SEMA3E: variants seen among roughly 807,000 people sequenced by gnomAD.
The protein encoded by SEMA3E is semaphorin 3E, also known as semaphorin-3E.
A neutral mutation model predicts 93.6 loss-of-function variants in SEMA3E; 49 were observed. That is an observed-to-expected ratio of 0.52 (90% CI 0.42 to 0.66). The LOEUF (loss-of-function observed/expected upper bound fraction) is 0.66, where lower values mean the gene tolerates loss of function less well. Ranked by LOEUF, SEMA3E falls within the 30% of genes least tolerant of loss-of-function variation. The pLI is 0.00. For missense variants in SEMA3E, 906 were observed against 964.8 expected (o/e 0.94, Z 0.81); for synonymous variants, 363 against 330.7 (o/e 1.10, Z -1.06).
intron 1 of SEMA3E, among the ~76,000 whole-genome samples, chr7:83,624,433 G>C (rs1005785216): frequency 4.6e-5 from 7 of 152,064 alleles, no homozygotes; most frequent in African/African-American, 1.7e-4. Context: ...GCATGAGTTG[G>C]TATGTCATTG....
chr7:83,383,713 T>C (rs373190100), intron 16 of SEMA3E, among the ~76,000 whole-genome samples: 2 of 151,954 alleles, frequency 1.3e-5, no homozygotes, highest in Non-Finnish European at 2.9e-5. Flanking sequence ...TAATTGAACA[T>C]TGATGGATTC....
chr7:83,629,571 C>T lies in SEMA3E; in HGVS notation c.115+18857G>A, dbSNP rs529640519. ...TGGGCTCTGCCCTATCTGAATTTCC[C>T]GGTGGCTGTGTTTATACTGTGAAGG... On this transcript the variant is annotated intron_variant, in intron 1 of 16. Transcript: ENST00000643230. Among the ~76,000 whole-genome samples, 6 of 152,260 alleles carry T rather than the reference C, an allele frequency of 3.9e-5. No individual in the cohort carries two copies. In the South Asian group the frequency reaches 8.3e-4, roughly 21 times the overall value.
At chr7:83,567,089 A>G (rs1169716788) in intron 1 of SEMA3E, among the ~76,000 whole-genome samples, 1 of 152,194 alleles carries the variant, frequency 6.6e-6, no homozygotes, top group African/African-American at 2.4e-5. Flanking sequence ...ACAAACAGAA[A>G]CAAGAAGCAA....
At chr7:83,501,575 C>T (rs537903631) in intron 1 of SEMA3E, among the ~76,000 whole-genome samples, 1 of 152,268 alleles carries the variant, frequency 6.6e-6, no homozygotes, top group South Asian at 2.1e-4. Flanking sequence ...GCCTCAGCCT[C>T]CCAAGTAGCT....
At chr7:83,507,685 C>T (rs1790732950) in intron 1 of SEMA3E, among the ~76,000 whole-genome samples, 1 of 151,716 alleles carries the variant, frequency 6.6e-6, no homozygotes, top group African/African-American at 2.4e-5. Context: ...CACGTGTAAT[C>T]CCAGCATTTT....
At chr7:83,545,827 A>G (rs1347400532) in intron 1 of SEMA3E, among the ~76,000 whole-genome samples, 2 of 147,216 alleles carry the variant, frequency 1.4e-5, no homozygotes, top group Non-Finnish European at 3.0e-5. Flanking sequence ...ATATATATAT[A>G]TAATATATAT....
At position 83,525,507 on chromosome 7, in the gene SEMA3E, G is replaced by A. The variant is rs1206982050; in HGVS notation, c.116-35233C>T. Among the ~76,000 whole-genome samples the A allele has an allele frequency of 3.3e-5, 5 of 150,506 alleles. No homozygotes were observed. In the East Asian group the frequency reaches 9.8e-4, roughly 29 times the overall value. Reference sequence around the variant, plus strand: ...TGCTTATTTTTTGAACTTCTGGGGTGACCTCAGATTTTCTTGTTTTCTCAT... The same window carrying A: ...TGCTTATTTTTTGAACTTCTGGGGTAACCTCAGATTTTCTTGTTTTCTCAT... On this transcript the variant is annotated intron_variant, in intron 1 of 16. Transcript: ENST00000643230.
intron 1 of SEMA3E, among the ~76,000 whole-genome samples, chr7:83,600,568 G>T (rs1002627894): frequency 7.4e-6 from 1 of 135,334 alleles, no homozygotes; most frequent in African/African-American, 2.8e-5. Context: ...AGGATGGTCT[G>T]GATCTCCTGA....
chr7:83,399,505 T>C (rs1451865810), intron 11 of SEMA3E, among the ~76,000 whole-genome samples: 1 of 152,156 alleles, frequency 6.6e-6, no homozygotes, highest in East Asian at 1.9e-4. Flanking sequence ...TGTCCCAAGT[T>C]CCAAGTTGTT....
intron 1 of SEMA3E, among the ~76,000 whole-genome samples, chr7:83,557,677 C>CAGGTTTTTATA (rs1274913736): frequency 1.1e-4 from 17 of 152,030 alleles, no homozygotes; most frequent in African/African-American, 4.1e-4. Context: ...AAGATGCTAA[C>CAGGTTTTTATA]AATTACACAA....
intron 1 of SEMA3E, among the ~76,000 whole-genome samples, chr7:83,509,466 T>A (rs558353353): frequency 1.6e-4 from 24 of 152,284 alleles, no homozygotes; most frequent in African/African-American, 5.8e-4. Context: ...CTGTGACATA[T>A]GAGGGTATGT....
At position 83,594,696 on chromosome 7, in the gene SEMA3E, A is replaced by C. The variant is rs1337239274; in HGVS notation, c.115+53732T>G. Among the ~76,000 whole-genome samples, 10 of 152,178 alleles carry C rather than the reference A, an allele frequency of 6.6e-5. No individual in the cohort carries two copies. In the East Asian group the frequency reaches 1.9e-3, roughly 29 times the overall value. ...GGATAGTGGCTCATTACTTTCTAGT[A>C]TCCGTTTCCCCTTTCTAAGAACCTG... On this transcript the variant is annotated intron_variant, in intron 1 of 16. Transcript: ENST00000643230.
At chr7:83,539,855 C>CTCTGTG (rs551859742) in intron 1 of SEMA3E, among the ~76,000 whole-genome samples, 4 of 122,752 alleles carry the variant, frequency 3.3e-5, no homozygotes, top group African/African-American at 1.2e-4. Context: ...TTTGTTGTTT[C>CTCTGTG]TGTGTGTGTG....
At chr7:83,626,339 C>G (rs1450987216) in intron 1 of SEMA3E, among the ~76,000 whole-genome samples, 1 of 152,008 alleles carries the variant, frequency 6.6e-6, no homozygotes, top group Non-Finnish European at 1.5e-5. Context: ...TGGTCCTGGG[C>G]TTTTTTTGGA....
chr7:83,592,646 A>G (rs1179596828), intron 1 of SEMA3E, among the ~76,000 whole-genome samples: 1 of 152,214 alleles, frequency 6.6e-6, no homozygotes, highest in Admixed American at 6.5e-5. Context: ...AAGAGGACAT[A>G]TCAAGTAATA....
chr7:83,546,915 T>A (rs1287737622), intron 1 of SEMA3E, among the ~76,000 whole-genome samples: 1 of 152,140 alleles, frequency 6.6e-6, no homozygotes, highest in Non-Finnish European at 1.5e-5. Flanking sequence ...TTACTCAAAC[T>A]TGTTTAAACA....
intron 1 of SEMA3E, among the ~76,000 whole-genome samples, chr7:83,508,557 T>C (rs1186777823): frequency 6.6e-6 from 1 of 152,180 alleles, no homozygotes; most frequent in Non-Finnish European, 1.5e-5. Context: ...CCACTGCGCC[T>C]GGCTTATAAT....
intron 1 of SEMA3E, among the ~76,000 whole-genome samples, chr7:83,621,089 G>A (rs1793547585): frequency 6.6e-6 from 1 of 152,108 alleles, no homozygotes; most frequent in African/African-American, 2.4e-5. Context: ...TCTATATCTA[G>A]ACAATCCTAC....
At chr7:83,435,370 G>A (rs758201316) in intron 4 of SEMA3E, among the ~76,000 whole-genome samples, 14 of 152,148 alleles carry the variant, frequency 9.2e-5, no homozygotes, top group Non-Finnish European at 1.9e-4. Context: ...AAGGCAGGCA[G>A]ATCACCTGAG....
Sources: allele counts gnomAD v4.1 joint callset (sites outside exome capture counted in the v4.1 genomes callset), GRCh38; gene constraint gnomAD v4.1.1; transcripts MANE v1.5; gene names NCBI Gene and HGNC (gene_info 2026-07-23, HGNC 2026-07-21).